The following RHBDD1 variants were observed in gnomAD, a reference collection of about 807,000 sequenced individuals.
RHBDD1 encodes the protein rhomboid-related protein 4.
A neutral mutation model predicts 36.3 loss-of-function variants in RHBDD1; 38 were observed. That is an observed-to-expected ratio of 1.05 (90% CI 0.81 to 1.37). The LOEUF (loss-of-function observed/expected upper bound fraction) is 1.37. RHBDD1 is among the 40% of genes most tolerant of loss of function. RHBDD1 has a pLI of 0.00. For synonymous variants in RHBDD1, 151 were observed against 136.5 expected, an observed-to-expected ratio of 1.11 and a Z score of -0.74; for missense variants, 393 against 377.6, an observed-to-expected ratio of 1.04 and a Z score of -0.34.
intron 8 of RHBDD1, among the ~76,000 whole-genome samples, chr2:226,954,420 T>G (rs919337095): frequency 7.9e-5 from 12 of 152,206 alleles, no homozygotes; most frequent in Non-Finnish European, 1.6e-4. Flanking sequence ...TGTTTTGTTT[T>G]TATTATTTTA....
chr2:226,956,736 G>A (rs530377179), intron 8 of RHBDD1, among the ~76,000 whole-genome samples: 1 of 152,308 alleles, frequency 6.6e-6, no homozygotes, highest in African/African-American at 2.4e-5. Context: ...AAAAGCTGCA[G>A]CAAGTGATAA....
chr2:226,851,341 T>TA (rs1223238936), intron 3 of RHBDD1, among the ~76,000 whole-genome samples: 1 of 151,844 alleles, frequency 6.6e-6, no homozygotes, highest in Non-Finnish European at 1.5e-5. Flanking sequence ...TTTTCAGTCT[T>TA]AAGACTAGAA....
intron 5 of RHBDD1, among the ~76,000 whole-genome samples, chr2:226,891,364 C>T (rs188057546): frequency 2.4e-4 from 37 of 152,306 alleles, no homozygotes; most frequent in Admixed American, 2.1e-3. Flanking sequence ...GTGGTACCTT[C>T]CTTCAGCAAA....
At chr2:226,901,885 AT>A (rs1198244749) in intron 5 of RHBDD1, among the ~76,000 whole-genome samples, 8 of 152,296 alleles carry the variant, frequency 5.3e-5, no homozygotes, top group African/African-American at 1.7e-4. Flanking sequence ...AATACAGTGT[AT>A]TTTAGATACA....
intron 5 of RHBDD1, among the ~76,000 whole-genome samples, chr2:226,902,209 C>T (rs539260728): frequency 6.6e-6 from 1 of 152,346 alleles, no homozygotes; most frequent in Admixed American, 6.5e-5. Flanking sequence ...TATTCAGAGA[C>T]CACAAGCTTC....
chr2:226,967,929 C>CATT (rs1287547875), intron 8 of RHBDD1, among the ~76,000 whole-genome samples: 1 of 152,148 alleles, frequency 6.6e-6, no homozygotes, highest in African/African-American at 2.4e-5. Flanking sequence ...TGGTAGGTGA[C>CATT]AGTAATATTT....
chr2:226,952,455 G>A (rs1274542408), intron 8 of RHBDD1, among the ~76,000 whole-genome samples: 5 of 151,896 alleles, frequency 3.3e-5, no homozygotes, highest in African/African-American at 7.3e-5. Context: ...ATGCCACCAC[G>A]CCCAGCTAAT....
chr2:226,909,126 G>A (rs1286868496), intron 7 of RHBDD1, among the ~76,000 whole-genome samples: 1 of 152,026 alleles, frequency 6.6e-6, no homozygotes, highest in Non-Finnish European at 1.5e-5. Flanking sequence ...ATTGGTATGA[G>A]GTCTCTCATG....
chr2:226,946,886 C>T (rs1951025566), intron 8 of RHBDD1, among the ~76,000 whole-genome samples: 1 of 152,190 alleles, frequency 6.6e-6, no homozygotes, highest in Non-Finnish European at 1.5e-5. Context: ...ATCAAGTTGG[C>T]TTCATCCCTG....
intron 3 of RHBDD1, among the ~76,000 whole-genome samples, chr2:226,854,722 G>A (rs1235500957): frequency 2.6e-5 from 4 of 151,388 alleles, no homozygotes; most frequent in South Asian, 4.2e-4. Context: ...ACTATTCATC[G>A]TTTTTTTAAA....
At chr2:226,867,808 C>T (rs1944465046) in intron 5 of RHBDD1, 2 of 302,246 alleles carry the variant, frequency 6.6e-6, no homozygotes, top group Non-Finnish European at 9.7e-6. Context: ...AACCTCCACC[C>T]CCTGGGTTCA....
At chr2:226,994,214 A>G (rs1398877300) in intron 8 of RHBDD1, among the ~76,000 whole-genome samples, 2 of 152,214 alleles carry the variant, frequency 1.3e-5, no homozygotes, top group African/African-American at 2.4e-5. Context: ...TCAAGTCCAT[A>G]TATTTATTGA....
chr2:226,966,981 TA>T (rs1952686719), intron 8 of RHBDD1, among the ~76,000 whole-genome samples: 1 of 152,108 alleles, frequency 6.6e-6, no homozygotes, highest in Non-Finnish European at 1.5e-5. Flanking sequence ...TGTTGTACAA[TA>T]AAATTTGAGA....
At chr2:226,920,850 T>G (rs534804266) in intron 8 of RHBDD1, among the ~76,000 whole-genome samples, 1 of 152,324 alleles carries the variant, frequency 6.6e-6, no homozygotes, top group Non-Finnish European at 1.5e-5. Flanking sequence ...CTGGTTTTGG[T>G]ATCAGGATAA....
chr2:226,873,539 T>A (rs969483871), intron 5 of RHBDD1, among the ~76,000 whole-genome samples: 2 of 152,174 alleles, frequency 1.3e-5, no homozygotes, highest in African/African-American at 4.8e-5. Flanking sequence ...CCTCATAAGC[T>A]TCTTGGCAAA....
intron 8 of RHBDD1, among the ~76,000 whole-genome samples, chr2:226,969,610 T>C (rs1953055826): frequency 1.3e-5 from 2 of 152,018 alleles, no homozygotes; most frequent in Admixed American, 1.3e-4. Context: ...AAAACGTGAG[T>C]CCCGTTTGAC....
the RHBDD1 span, among the ~76,000 whole-genome samples, chr2:226,828,771 T>C: frequency 3.9e-5 from 6 of 152,192 alleles, no homozygotes; most frequent in African/African-American, 1.4e-4. Context: ...ACTTGACTGG[T>C]AAGAGTAATC....
Position 226,998,996 on chromosome 2 carries a change from T to G in RHBDD1, c.*3474T>G, listed in dbSNP as rs996951886. On this transcript the variant is annotated 3_prime_UTR_variant, in exon 9 of 9. Coordinates refer to ENST00000392062, the MANE Select transcript of RHBDD1 (RefSeq NM_001167608.3). ...TCAGATCCTCCTCATCCAGCCCCCA[T>G]CTGAATCCTGTAACAGACACAACCA... is the stretch of plus-strand genomic sequence containing the variant. 13 of 152,222 alleles carry G rather than the reference T, an allele frequency of 8.5e-5. No homozygotes were observed. Among genetic ancestry groups the G allele is most frequent in the African/African-American group, 3.1e-4 (13 of 41,422 alleles). 9.4% of individuals were successfully genotyped at this position (152,222 alleles called of 1,614,324 possible).
At chr2:226,881,791 A>G (rs1945760843) in intron 5 of RHBDD1, among the ~76,000 whole-genome samples, 1 of 152,226 alleles carries the variant, frequency 6.6e-6, no homozygotes, top group African/African-American at 2.4e-5. Context: ...AACAAAAATT[A>G]TTCCACTGCT....
Sources: allele counts gnomAD v4.1 joint callset (sites outside exome capture counted in the v4.1 genomes callset), GRCh38; gene constraint gnomAD v4.1.1; transcripts MANE v1.5; gene names NCBI Gene and HGNC (gene_info 2026-07-23, HGNC 2026-07-21).